Variants in PACSIN2 observed in about 807,000 individuals in gnomAD.
PACSIN2 encodes protein kinase C and casein kinase substrate in neurons 2, also known as protein kinase C and casein kinase substrate in neurons protein 2.
PACSIN2 carries 25 observed loss-of-function variants against 63.8 expected under a neutral mutation model. The observed-to-expected ratio is 0.39, with a 90% CI of 0.29 to 0.55. The LOEUF (loss-of-function observed/expected upper bound fraction) is 0.55, where lower values mean the gene tolerates loss of function less well. PACSIN2 is among the 20% of genes least tolerant of loss of function. The probability of loss-of-function intolerance (pLI) is 0.62; values close to 1 mark genes in which losing one functional copy is unlikely to be tolerated. For missense variants in PACSIN2, 518 were observed against 646.9 expected (o/e 0.80, Z 2.16); for synonymous variants, 255 against 256.2 (o/e 1.00, Z 0.05).
At chr22:42,900,287 T>C (rs999086013) in intron 2 of PACSIN2, among the ~76,000 whole-genome samples, 2 of 152,108 alleles carry the variant, frequency 1.3e-5, no homozygotes, top group Non-Finnish European at 2.9e-5. Context: ...TTAGCCTCAC[T>C]TCCCTAGCTA....
rs770774273 is a variant in PACSIN2, at chr22:42,884,494, A to G, written c.677T>C (p.Met226Thr). The G allele has an allele frequency of 1.2e-6, 2 of 1,614,016 alleles. No homozygotes were observed. The highest frequency in any genetic ancestry group is 1.3e-5 in the African/African-American group (1 of 74,914). ...CTGGCACTGCTCAAACACCTGCTCC[A>G]TGTTCTCCATGTACTGGGGTGTGCC... ...DQGTPQYMEN[M>T]EQVFEQCQQF... The change falls in exon 6 of 11, where the codon ATG becomes ACG. Residue 226 changes from methionine to threonine, a missense_variant. Met to Thr is a moderately conservative substitution (Grantham distance 81). Coordinates refer to ENST00000263246, the MANE Select transcript of PACSIN2 (RefSeq NM_001184970.3).
chr22:43,011,576 G>A (rs1311690542), intron 1 of PACSIN2, among the ~76,000 whole-genome samples: 4 of 152,158 alleles, frequency 2.6e-5, no homozygotes, highest in African/African-American at 7.2e-5. Flanking sequence ...TGAGCATGAC[G>A]CCCTTAACAC....
intron 8 of PACSIN2, among the ~76,000 whole-genome samples, 190 bp from the exon 9 acceptor site, chr22:42,877,200 G>A (rs1279317299): frequency 2.6e-5 from 4 of 152,204 alleles, no homozygotes; most frequent in African/African-American, 9.6e-5. Context: ...CACGGTCCAG[G>A]AGCCTAGGAG....
chr22:43,012,194 C>CATACATAT (rs1924542958), intron 1 of PACSIN2, among the ~76,000 whole-genome samples: 1 of 139,008 alleles, frequency 7.2e-6, no homozygotes, highest in African/African-American at 2.7e-5. Context: ...TACATACATA[C>CATACATAT]ATACATACAA....
intron 1 of PACSIN2, among the ~76,000 whole-genome samples, chr22:42,949,682 T>TCA (rs746717218): frequency 1.1e-4 from 17 of 149,498 alleles, no homozygotes; most frequent in South Asian, 2.1e-4. Context: ...ACACATACAC[T>TCA]CACACACACA....
intron 1 of PACSIN2, among the ~76,000 whole-genome samples, chr22:42,950,874 T>A: frequency 6.6e-6 from 1 of 152,080 alleles, no homozygotes; most frequent in East Asian, 1.9e-4. Flanking sequence ...CCTGTATATA[T>A]TCCAGTAGGG....
At chr22:42,950,165 A>T (rs1933616986) in intron 1 of PACSIN2, among the ~76,000 whole-genome samples, 1 of 152,160 alleles carries the variant, frequency 6.6e-6, no homozygotes, top group Non-Finnish European at 1.5e-5. Context: ...ACAATACGGT[A>T]TAACTATTTA....
At chr22:42,958,065 T>A (rs1250783342) in intron 1 of PACSIN2, among the ~76,000 whole-genome samples, 2 of 151,160 alleles carry the variant, frequency 1.3e-5, no homozygotes, top group Admixed American at 6.6e-5. Context: ...TGTTTGAAAG[T>A]GAAACAAATA....
chr22:43,005,177 T>C lies in PACSIN2; in HGVS notation c.-78+9844A>G, dbSNP rs1046058020. On this transcript the variant is annotated intron_variant, in intron 1 of 10. Transcript: ENST00000263246. ...AATACAATTTCACACAGGTGAGCAG[T>C]GCTCACACCTTTATCATTTGCTTTC... Among the ~76,000 whole-genome samples the C allele has an allele frequency of 1.2e-4, 18 of 152,222 alleles. 1 individual carries two copies. The highest frequency in any genetic ancestry group is 5.2e-4 in the Admixed American group (8 of 15,288).
chr22:42,924,247 C>T (rs1932388573), intron 1 of PACSIN2, among the ~76,000 whole-genome samples: 1 of 152,114 alleles, frequency 6.6e-6, no homozygotes, highest in Admixed American at 6.5e-5. Flanking sequence ...CTGTCAGTGC[C>T]ACTATCACCT....
intron 8 of PACSIN2, among the ~76,000 whole-genome samples, chr22:42,878,448 T>C (rs952167080): frequency 2.6e-5 from 4 of 152,192 alleles, no homozygotes; most frequent in African/African-American, 7.2e-5. Context: ...GCAGGTCCTA[T>C]AGGAAGACCT....
chr22:42,937,523 G>A (rs1163845424), intron 1 of PACSIN2, among the ~76,000 whole-genome samples: 1 of 152,128 alleles, frequency 6.6e-6, no homozygotes, highest in East Asian at 1.9e-4. Context: ...CTGCCTAGAT[G>A]TCCCGGCTCG....
intron 1 of PACSIN2, among the ~76,000 whole-genome samples, chr22:42,968,660 G>A (rs1168659717): frequency 2.0e-5 from 3 of 152,146 alleles, no homozygotes; most frequent in Non-Finnish European, 4.4e-5. Flanking sequence ...TGGATGAGGT[G>A]GGGAAGAGCC....
At chr22:42,913,480 CAAAAAAA>C (rs138842796) in intron 1 of PACSIN2, among the ~76,000 whole-genome samples, 17,944 of 93,440 alleles carry the variant, frequency 0.19, 2,087 homozygotes, top group East Asian at 0.53. Flanking sequence ...ACTCCGTCTC[CAAAAAAA>C]AAAAAAAAAA....
chr22:42,927,926 C>T (rs1932642871), intron 1 of PACSIN2, among the ~76,000 whole-genome samples: 1 of 152,120 alleles, frequency 6.6e-6, no homozygotes, highest in Admixed American at 6.5e-5. Context: ...ATGTCATGGT[C>T]CCATACTCCA....
intron 1 of PACSIN2, among the ~76,000 whole-genome samples, chr22:42,971,286 C>T (rs376188023): frequency 2.2e-4 from 34 of 152,148 alleles, no homozygotes; most frequent in East Asian, 7.7e-4. Context: ...GGGGTTTCGC[C>T]GTGTTGGCCG....
At chr22:42,886,987 G>A (rs180694337) in intron 5 of PACSIN2, among the ~76,000 whole-genome samples, 2 of 152,240 alleles carry the variant, frequency 1.3e-5, no homozygotes, top group East Asian at 1.9e-4. Context: ...GCACGCCCCC[G>A]CCCAACATGG....
At chr22:42,979,923 C>T (rs762058366) in intron 1 of PACSIN2, among the ~76,000 whole-genome samples, 8 of 152,142 alleles carry the variant, frequency 5.3e-5, no homozygotes, top group Non-Finnish European at 1.2e-4. Context: ...AATTTACATA[C>T]ACACATTTAT....
intron 10 of PACSIN2, among the ~76,000 whole-genome samples, chr22:42,874,249 G>C (rs1297339611): frequency 6.6e-6 from 1 of 151,258 alleles, no homozygotes; most frequent in Non-Finnish European, 1.5e-5. Context: ...AGGAGATCAA[G>C]GCTGCAGCTG....
Sources: allele counts gnomAD v4.1 joint callset (sites outside exome capture counted in the v4.1 genomes callset), GRCh38; gene constraint gnomAD v4.1.1; transcripts MANE v1.5; gene names NCBI Gene and HGNC (gene_info 2026-07-23, HGNC 2026-07-21).